SGCD: variants seen among roughly 807,000 people sequenced by gnomAD.
SGCD encodes sarcoglycan delta, also known as delta-sarcoglycan.
Under a neutral mutation model 36.6 loss-of-function variants are expected in SGCD, and 18 were observed. That is an observed-to-expected ratio of 0.49 (90% CI 0.34 to 0.73). SGCD has a LOEUF of 0.73. SGCD is among the 30% of genes least tolerant of loss of function. The pLI, the probability that SGCD is intolerant of heterozygous loss-of-function variation, is 0.01. For missense variants in SGCD, 387 were observed against 346.7 expected (o/e 1.12, Z -0.92); for synonymous variants, 133 against 130.6 (o/e 1.02, Z -0.12).
At chr5:156,316,630 T>C (rs1767524617) in intron 3 of SGCD, among the ~76,000 whole-genome samples, 1 of 151,974 alleles carries the variant, frequency 6.6e-6, no homozygotes, top group South Asian at 2.1e-4. Flanking sequence ...AACAGAATAG[T>C]GAGCCCAGGA....
Position 156,069,200 on chromosome 5 carries a change from T to C in SGCD, c.-281-48678T>C, listed in dbSNP as rs1308601545. Reference sequence around the variant, plus strand: ...GTTTTAGACATAAAGTCCTTGCCCATGCCTATGTCCTGAATGGTAATGCCT... The same window carrying C: ...GTTTTAGACATAAAGTCCTTGCCCACGCCTATGTCCTGAATGGTAATGCCT... On this transcript the variant is annotated intron_variant, in intron 1 of 9. Transcript: ENST00000517913. Among the ~76,000 whole-genome samples, 9 of 152,236 alleles carry C rather than the reference T, an allele frequency of 5.9e-5. No homozygotes were observed. The South Asian group carries it at 6.2e-4, about 10-fold the overall frequency.
intron 1 of SGCD, among the ~76,000 whole-genome samples, chr5:156,117,560 T>C (rs1041137369): frequency 1.3e-5 from 2 of 152,184 alleles, no homozygotes; most frequent in Non-Finnish European, 2.9e-5. Flanking sequence ...ACAATGAATA[T>C]TGGCAGCAAA....
At chr5:155,983,290 G>T (rs527912846) in intron 1 of SGCD, among the ~76,000 whole-genome samples, 27 of 152,274 alleles carry the variant, frequency 1.8e-4, no homozygotes, top group Middle Eastern at 3.4e-3. Context: ...AGCTAGAAGA[G>T]CTAGGGCTCA....
chr5:156,641,982 A>C (rs139280723), intron 6 of SGCD, among the ~76,000 whole-genome samples: 24 of 152,122 alleles, frequency 1.6e-4, no homozygotes. Context: ...GCCTTAAAAA[A>C]CAGAAATTTA....
At chr5:156,492,700 G>A (rs549535057) in intron 3 of SGCD, among the ~76,000 whole-genome samples, 276 of 152,080 alleles carry the variant, frequency 1.8e-3, no homozygotes, top group African/African-American at 6.1e-3. Context: ...TTCTCCTAAC[G>A]CTATATCTAT....
chr5:156,430,752 G>A (rs1472448950), intron 3 of SGCD, among the ~76,000 whole-genome samples: 2 of 152,008 alleles, frequency 1.3e-5, no homozygotes, highest in Non-Finnish European at 2.9e-5. Context: ...TGAAAACTTT[G>A]TATGTGTTTC....
At chr5:155,733,369 T>C in the SGCD span, among the ~76,000 whole-genome samples, 1 of 152,214 alleles carries the variant, frequency 6.6e-6, no homozygotes, top group South Asian at 2.1e-4. Context: ...TTCCCTTCTA[T>C]TTCATTGAAA....
At chr5:156,127,648 G>C (rs1762206868) in intron 3 of SGCD, among the ~76,000 whole-genome samples, 1 of 151,454 alleles carries the variant, frequency 6.6e-6, no homozygotes, top group Non-Finnish European at 1.5e-5. Flanking sequence ...TAAAACAATA[G>C]AGAGTTCTGA....
the SGCD span, among the ~76,000 whole-genome samples, chr5:155,809,813 A>C: frequency 6.6e-6 from 1 of 152,236 alleles, no homozygotes; most frequent in Non-Finnish European, 1.5e-5. Flanking sequence ...ATTTACAATT[A>C]CTTCATAAAA....
chr5:156,527,096 G>A lies in SGCD; in HGVS notation c.294+18394G>A, dbSNP rs1581120139. On this transcript the variant is annotated intron_variant, in intron 4 of 8. Coordinates refer to ENST00000337851, the MANE Select transcript of SGCD (RefSeq NM_000337.6). ...CTCATTGCCTATCATGGTACAGAAGGGTCCATCATTAGAATCTCTTTTATT... is the reference window on the plus strand; with the variant it reads ...CTCATTGCCTATCATGGTACAGAAGAGTCCATCATTAGAATCTCTTTTATT... 3.9e-5 allele frequency among the ~76,000 whole-genome samples: 6 copies of A among 152,122 alleles called. 1 individual carries two copies. The highest frequency in any genetic ancestry group is 3.9e-4 in the Admixed American group (6 of 15,272).
At chr5:156,142,038 T>C (rs1762593953) in intron 3 of SGCD, among the ~76,000 whole-genome samples, 1 of 152,136 alleles carries the variant, frequency 6.6e-6, no homozygotes, top group African/African-American at 2.4e-5. Context: ...TGGTGGGAGA[T>C]GATTGAATCA....
the SGCD span, among the ~76,000 whole-genome samples, chr5:155,769,950 TTTCTCTTTCA>T: frequency 6.6e-6 from 1 of 152,114 alleles, no homozygotes; most frequent in Non-Finnish European, 1.5e-5. Context: ...CTTTGTACCT[TTTCTCTTTCA>T]TTTTTTTATT....
chr5:155,743,957 T>C, the SGCD span, among the ~76,000 whole-genome samples: 11 of 152,158 alleles, frequency 7.2e-5, no homozygotes, highest in Non-Finnish European at 1.5e-4. Context: ...GTTGGTAGCT[T>C]TCTTTGGCTT....
intron 4 of SGCD, among the ~76,000 whole-genome samples, chr5:156,575,146 G>A (rs573924306): frequency 6.6e-6 from 1 of 152,184 alleles, no homozygotes; most frequent in African/African-American, 2.4e-5. Context: ...TGTCTGTATT[G>A]CTATCTGTGC....
intron 4 of SGCD, among the ~76,000 whole-genome samples, chr5:156,571,588 T>C (rs1759726926): frequency 6.6e-6 from 1 of 152,148 alleles, no homozygotes; most frequent in Admixed American, 6.5e-5. Context: ...CTTTGAGAAC[T>C]CTTAAGGTCC....
At chr5:156,137,623 T>C (rs1762490293) in intron 3 of SGCD, among the ~76,000 whole-genome samples, 1 of 152,178 alleles carries the variant, frequency 6.6e-6, no homozygotes, top group East Asian at 1.9e-4. Context: ...TTTCTTGTGG[T>C]ATTTAACTTG....
chr5:156,307,552 GTTGTTTTTTTTT>G (rs1365371401), intron 3 of SGCD, among the ~76,000 whole-genome samples: 2 of 48,444 alleles, frequency 4.1e-5, no homozygotes, highest in Non-Finnish European at 7.4e-5. Context: ...CATTTTAACT[GTTGTTTTTTTTT>G]TTTTTTTTTT....
chr5:156,752,528 G>A (rs1161196965), intron 7 of SGCD, among the ~76,000 whole-genome samples: 1 of 152,064 alleles, frequency 6.6e-6, no homozygotes, highest in African/African-American at 2.4e-5. Flanking sequence ...AAGTAGCTGG[G>A]ATTACAGGCA....
At chr5:156,528,624 CAGCTATG>C (rs1757742669) in intron 4 of SGCD, among the ~76,000 whole-genome samples, 1 of 152,118 alleles carries the variant, frequency 6.6e-6, no homozygotes, top group African/African-American at 2.4e-5. Context: ...GTGGCACGAG[CAGCTATG>C]TGGTGTGAGG....
Sources: gnomAD v4.1 joint callset for allele counts (sites outside exome capture counted in the v4.1 genomes callset) on GRCh38, gnomAD v4.1.1 for gene constraint, MANE v1.5 for transcripts, NCBI Gene and HGNC (gene_info 2026-07-23, HGNC 2026-07-21) for gene names.